The following OPHN1 variants were observed in gnomAD, a reference collection of about 807,000 sequenced individuals.
The protein encoded by OPHN1 is oligophrenin-1.
A neutral mutation model predicts 60.7 loss-of-function variants in OPHN1; 11 were observed. The ratio of observed to expected loss-of-function variants is 0.18; its 90% CI spans 0.11 to 0.30. The LOEUF (loss-of-function observed/expected upper bound fraction) is 0.30, where lower values mean the gene tolerates loss of function less well. OPHN1 is among the 10% of genes least tolerant of loss of function. The pLI is 1.00. For missense variants in OPHN1, 449 were observed against 611.0 expected (o/e 0.73, Z 2.80); for synonymous variants, 226 against 222.6 (o/e 1.02, Z -0.14).
At chrX:68,252,120 C>T (rs770293581) in intron 5 of OPHN1, among the ~76,000 whole-genome samples, 1 of 111,453 alleles carries the variant, frequency 9.0e-6, no homozygotes, top group Admixed American at 9.6e-5. Context: ...CCTCAGGTGA[C>T]CCTCTGATCC....
intron 15 of OPHN1, among the ~76,000 whole-genome samples, chrX:68,167,328 G>C (rs955666318): frequency 6.3e-5 from 7 of 111,635 alleles, no homozygotes; most frequent in Non-Finnish European, 1.1e-4. Context: ...TGGCTTTTAT[G>C]TAAAAGACAG....
At chrX:68,424,603 G>C (rs1855140020) in intron 2 of OPHN1, among the ~76,000 whole-genome samples, 2 of 111,445 alleles carry the variant, frequency 1.8e-5, no homozygotes, top group East Asian at 2.8e-4. Context: ...TTAAACAAAA[G>C]GTTTTGGCTA....
At chrX:68,409,083 T>C (rs2078757540) in intron 2 of OPHN1, among the ~76,000 whole-genome samples, 1 of 112,812 alleles carries the variant, frequency 8.9e-6, no homozygotes, top group Non-Finnish European at 1.9e-5. Flanking sequence ...ACATTTCCTC[T>C]AGGCATACAG....
intron 15 of OPHN1, among the ~76,000 whole-genome samples, chrX:68,190,854 G>C (rs1250443348): frequency 2.7e-5 from 3 of 112,142 alleles, no homozygotes; most frequent in Non-Finnish European, 5.6e-5. Context: ...AATGAGATGG[G>C]TTGCAAATTG....
chrX:68,174,617 C>A (rs920618787), intron 15 of OPHN1, among the ~76,000 whole-genome samples: 12 of 107,954 alleles, frequency 1.1e-4, no homozygotes, highest in African/African-American at 4.1e-4. Flanking sequence ...GACTATAAGC[C>A]CAAGCCACCA....
intron 5 of OPHN1, among the ~76,000 whole-genome samples, chrX:68,239,451 G>A (rs1472461487): frequency 1.8e-5 from 2 of 111,552 alleles, no homozygotes; most frequent in Non-Finnish European, 3.8e-5. Flanking sequence ...AAACAGAAAT[G>A]CCTGTCCTCA....
At chrX:68,252,540 A>G (rs756274208) in intron 5 of OPHN1, among the ~76,000 whole-genome samples, 1 of 112,002 alleles carries the variant, frequency 8.9e-6, no homozygotes, top group Non-Finnish European at 1.9e-5. Context: ...TCCTCACAAA[A>G]TAAATGTTAC....
At chrX:68,173,328 T>C (rs1269726621) in intron 15 of OPHN1, among the ~76,000 whole-genome samples, 1 of 111,580 alleles carries the variant, frequency 9.0e-6, no homozygotes, top group Admixed American at 9.6e-5. Flanking sequence ...CTCCTCTGTA[T>C]AGTATTACCC....
At chrX:68,348,128 T>C (rs903250046) in intron 2 of OPHN1, among the ~76,000 whole-genome samples, 4 of 111,854 alleles carry the variant, frequency 3.6e-5, no homozygotes, top group Non-Finnish European at 7.5e-5. Flanking sequence ...AAGGGAGGAC[T>C]AGCCTCCCCA....
At chrX:68,369,923 T>C (rs970354933) in intron 2 of OPHN1, among the ~76,000 whole-genome samples, 7 of 103,506 alleles carry the variant, frequency 6.8e-5, no homozygotes, top group Admixed American at 3.2e-4. Flanking sequence ...CAACTTACCA[T>C]GTATAAGGCT....
intron 2 of OPHN1, among the ~76,000 whole-genome samples, chrX:68,363,332 A>G (rs1278949596): frequency 1.8e-5 from 2 of 111,555 alleles, no homozygotes; most frequent in African/African-American, 3.2e-5. Flanking sequence ...TTAGTGAGAC[A>G]GAGTTTCACT....
intron 15 of OPHN1, chrX:68,132,982 GC>G (rs2077203906): frequency 8.6e-6 from 4 of 464,157 alleles, no homozygotes; most frequent in Non-Finnish European, 1.6e-5. Flanking sequence ...CGGGCCTCAG[GC>G]CCCCGGACGC....
chrX:68,216,486 A>G (rs930556603), intron 6 of OPHN1, among the ~76,000 whole-genome samples: 1 of 111,350 alleles, frequency 9.0e-6, no homozygotes, highest in African/African-American at 3.3e-5. Flanking sequence ...CCTAAAAGAT[A>G]TCATTTTAAA....
intron 15 of OPHN1, among the ~76,000 whole-genome samples, chrX:68,166,282 C>T (rs914378564): frequency 8.9e-6 from 1 of 112,105 alleles, no homozygotes; most frequent in Non-Finnish European, 1.9e-5. Flanking sequence ...GCCTGTAATC[C>T]CAGCACTTTG....
chrX:68,337,480 A>C (rs764432338), intron 2 of OPHN1, among the ~76,000 whole-genome samples: 21 of 111,910 alleles, frequency 1.9e-4, no homozygotes, highest in Non-Finnish European at 3.9e-4. Flanking sequence ...ATTCAACAGA[A>C]ATACATTAAA....
chrX:68,252,911 C>T (rs2077843103), intron 5 of OPHN1, among the ~76,000 whole-genome samples: 1 of 110,570 alleles, frequency 9.0e-6, no homozygotes, highest in Non-Finnish European at 1.9e-5. Context: ...AAGCCAGTTT[C>T]CTGGGGAGTT....
chrX:68,427,523 C>T (rs1224189063), intron 2 of OPHN1, among the ~76,000 whole-genome samples: 1 of 109,318 alleles, frequency 9.1e-6, no homozygotes, highest in Non-Finnish European at 1.9e-5. Flanking sequence ...GCCACAGACC[C>T]TGGGGTCCCA....
chrX:68,224,437 C>T (rs1309306066), intron 6 of OPHN1, among the ~76,000 whole-genome samples: 1 of 111,303 alleles, frequency 9.0e-6, no homozygotes, highest in East Asian at 2.8e-4. Flanking sequence ...GCGGGAAGAT[C>T]ACTTGAAACC....
intron 20 of OPHN1, chrX:68,070,695 A>T: frequency 9.5e-7 from 1 of 1,056,142 alleles, no homozygotes; most frequent in Non-Finnish European, 1.3e-6. Context: ...AGTGGCTTTC[A>T]CCACCTCATC....
Sources: allele counts gnomAD v4.1 joint callset (sites outside exome capture counted in the v4.1 genomes callset), GRCh38; gene constraint gnomAD v4.1.1; transcripts MANE v1.5; gene names NCBI Gene and HGNC (gene_info 2026-07-23, HGNC 2026-07-21).